The following FGF14 variants were observed in gnomAD, a reference collection of about 807,000 sequenced individuals.
FGF14 encodes fibroblast growth factor homologous factor 4.
Under a neutral mutation model 25.5 loss-of-function variants are expected in FGF14, and 5 were observed. The observed-to-expected ratio is 0.20, with a 90% CI of 0.10 to 0.41. The LOEUF (loss-of-function observed/expected upper bound fraction) is 0.41, where lower values mean the gene tolerates loss of function less well. Among genes scored for constraint, FGF14 ranks in the 10% least tolerant of loss-of-function variants. The pLI, the probability that FGF14 is intolerant of heterozygous loss-of-function variation, is 1.00. For synonymous variants in FGF14, 138 were observed against 118.3 expected, an observed-to-expected ratio of 1.17 and a Z score of -1.08; for missense variants, 222 against 320.1, an observed-to-expected ratio of 0.69 and a Z score of 2.34.
chr13:101,914,736 TACAC>T (rs1168108239), intron 1 of FGF14, among the ~76,000 whole-genome samples: 1 of 152,254 alleles, frequency 6.6e-6, no homozygotes, highest in African/African-American at 2.4e-5. Context: ...TCTTAAGAAA[TACAC>T]ACAAGTTTTA....
At chr13:101,768,720 AAGT>A (rs567880911) in intron 3 of FGF14, among the ~76,000 whole-genome samples, 138 of 152,274 alleles carry the variant, frequency 9.1e-4, no homozygotes, top group African/African-American at 3.1e-3. Context: ...AATAAAGAAA[AAGT>A]AGTCTTTTCA....
intron 1 of FGF14, among the ~76,000 whole-genome samples, chr13:102,044,537 TA>T (rs5806265): frequency 3.3e-5 from 5 of 149,844 alleles, no homozygotes; most frequent in Admixed American, 6.7e-5. Flanking sequence ...TCCTCTTTCG[TA>T]AAAAAAAAAT....
chr13:102,298,318 G>T (rs1036890990), intron 1 of FGF14, among the ~76,000 whole-genome samples: 1 of 152,060 alleles, frequency 6.6e-6, no homozygotes, highest in African/African-American at 2.4e-5. Flanking sequence ...CCTAATCAAA[G>T]AACACAGGGT....
At chr13:101,933,677 T>C (rs568245020) in intron 1 of FGF14, among the ~76,000 whole-genome samples, 1 of 152,300 alleles carries the variant, frequency 6.6e-6, no homozygotes, top group African/African-American at 2.4e-5. Context: ...TCAGCCAAGA[T>C]CGCACCACTG....
chr13:102,041,970 C>G (rs1384490169), intron 1 of FGF14, among the ~76,000 whole-genome samples: 1 of 152,156 alleles, frequency 6.6e-6, no homozygotes, highest in African/African-American at 2.4e-5. Flanking sequence ...TGTGACCAGC[C>G]AGCCAAAGTT....
chr13:102,341,143 C>T (rs2056939739), intron 1 of FGF14, among the ~76,000 whole-genome samples: 1 of 151,826 alleles, frequency 6.6e-6, no homozygotes, highest in Admixed American at 6.6e-5. Context: ...GGGAAAAAAC[C>T]CAACTTTTGT....
At chr13:102,376,163 C>T (rs1477348061) in intron 1 of FGF14, among the ~76,000 whole-genome samples, 4 of 152,112 alleles carry the variant, frequency 2.6e-5, no homozygotes, top group Non-Finnish European at 4.4e-5. Flanking sequence ...ACCAGGTGGA[C>T]ATAATTGAAT....
At chr13:102,146,257 C>T (rs1174380250) in intron 1 of FGF14, among the ~76,000 whole-genome samples, 1 of 152,106 alleles carries the variant, frequency 6.6e-6, no homozygotes, top group East Asian at 1.9e-4. Context: ...CTTGGTAGGA[C>T]CTTGAAGAAG....
chr13:101,738,921 ATATATG>A (rs929156030), intron 3 of FGF14, among the ~76,000 whole-genome samples: 2 of 133,380 alleles, frequency 1.5e-5, no homozygotes, highest in Admixed American at 8.3e-5. Flanking sequence ...TGGTATATAT[ATATATG>A]TATATGTATA....
At chr13:101,947,462 G>GA (rs61558192) in intron 1 of FGF14, among the ~76,000 whole-genome samples, 1 of 151,880 alleles carries the variant, frequency 6.6e-6, no homozygotes, top group Non-Finnish European at 1.5e-5. Flanking sequence ...GATTGGATTA[G>GA]AAAAAAATGT....
At chr13:101,736,529 G>T (rs963103961) in intron 3 of FGF14, among the ~76,000 whole-genome samples, 2 of 151,924 alleles carry the variant, frequency 1.3e-5, no homozygotes, top group Non-Finnish European at 2.9e-5. Flanking sequence ...TGTATTTTAT[G>T]ATATTATCTT....
chr13:101,996,579 G>A (rs78862169), intron 1 of FGF14, among the ~76,000 whole-genome samples: 4 of 152,276 alleles, frequency 2.6e-5, no homozygotes, highest in Non-Finnish European at 4.4e-5. Flanking sequence ...GGGTTTTGGC[G>A]TGGTTGAAAT....
chr13:101,836,193 G>A (rs541331673), intron 3 of FGF14, among the ~76,000 whole-genome samples: 22 of 151,996 alleles, frequency 1.4e-4, no homozygotes, highest in Non-Finnish European at 2.8e-4. Context: ...GAACTGGAGA[G>A]AACAAGAGAA....
At chr13:102,173,825 G>A (rs1448602223) in intron 1 of FGF14, among the ~76,000 whole-genome samples, 1 of 152,074 alleles carries the variant, frequency 6.6e-6, no homozygotes, top group Non-Finnish European at 1.5e-5. Context: ...GAGGGTAGGG[G>A]TAGGGGGGTA....
chr13:101,877,124 G>T (rs575603115), intron 1 of FGF14, among the ~76,000 whole-genome samples: 35 of 152,100 alleles, frequency 2.3e-4, no homozygotes, highest in African/African-American at 8.2e-4. Context: ...ACTAGATCAG[G>T]CGAGGCAGTG....
intron 1 of FGF14, among the ~76,000 whole-genome samples, chr13:102,355,649 A>G (rs371471380): frequency 2.6e-5 from 4 of 151,302 alleles, no homozygotes; most frequent in African/African-American, 9.7e-5. Flanking sequence ...TATTCTGTAG[A>G]AGGAACAGAA....
At chr13:102,090,757 A>G (rs2044127683) in intron 1 of FGF14, among the ~76,000 whole-genome samples, 1 of 152,216 alleles carries the variant, frequency 6.6e-6, no homozygotes, top group Non-Finnish European at 1.5e-5. Context: ...CCAAAAAAAG[A>G]TCAGTGTATG....
chr13:101,890,979 G>T lies in FGF14; in HGVS notation c.194-15683C>A, dbSNP rs1256213136. ...AGGGGAATAATGTCTACCCCATCAA[G>T]GTAGGATCACCAAGATCCAGTGGAT... is the stretch of plus-strand genomic sequence containing the variant. On this transcript the variant is annotated intron_variant, in intron 1 of 4. Transcript: ENST00000376143. 6.0e-4 allele frequency among the ~76,000 whole-genome samples: 92 copies of T among 152,084 alleles called. 1 individual carries two copies. Among genetic ancestry groups the T allele is most frequent in the Admixed American group, 6.0e-3 (92 of 15,276 alleles).
chr13:101,736,702 G>A (rs1359871743), intron 3 of FGF14, among the ~76,000 whole-genome samples: 1 of 152,060 alleles, frequency 6.6e-6, no homozygotes, highest in Admixed American at 6.6e-5. Flanking sequence ...ATCGGTATGA[G>A]GCAACCAGTA....
Sources: allele counts gnomAD v4.1 joint callset (sites outside exome capture counted in the v4.1 genomes callset), GRCh38; gene constraint gnomAD v4.1.1; transcripts MANE v1.5; gene names NCBI Gene and HGNC (gene_info 2026-07-23, HGNC 2026-07-21).